The following SGK1 variants were observed in gnomAD, a reference collection of about 807,000 sequenced individuals.
SGK1 encodes the protein serum/glucocorticoid regulated kinase 1.
A neutral mutation model predicts 64.2 loss-of-function variants in SGK1; 26 were observed. The observed-to-expected ratio is 0.40, with a 90% confidence interval of 0.30 to 0.56. SGK1 has a LOEUF of 0.56. Among genes scored for constraint, SGK1 ranks in the 20% least tolerant of loss-of-function variants. The pLI, the probability that SGK1 is intolerant of heterozygous loss-of-function variation, is 0.38. For missense variants in SGK1, 519 were observed against 645.6 expected, an observed-to-expected ratio of 0.80 and a Z score of 2.12; for synonymous variants, 265 against 239.7, an observed-to-expected ratio of 1.11 and a Z score of -0.98.
chr6:134,245,238 G>A (rs1776509214), intron 2 of SGK1, among the ~76,000 whole-genome samples: 1 of 152,228 alleles, frequency 6.6e-6, no homozygotes, highest in South Asian at 2.1e-4. Flanking sequence ...GCCAAGCCCT[G>A]TGGTTTATTT....
At chr6:134,173,401 G>T in intron 6 of SGK1, 44 bp from the exon 7 acceptor site, 1 of 1,586,286 alleles carries the variant, frequency 6.3e-7, no homozygotes, top group Non-Finnish European at 8.6e-7. Flanking sequence ...TCCTCATCCA[G>T]GGAGAATACA....
chr6:134,273,631 A>G (rs1487248300), intron 1 of SGK1, among the ~76,000 whole-genome samples: 4 of 144,142 alleles, frequency 2.8e-5, no homozygotes, highest in Non-Finnish European at 4.5e-5. Context: ...AAGCTGAGTT[A>G]AAGGAAGCCA....
chr6:134,236,132 T>C (rs931304178), intron 2 of SGK1, among the ~76,000 whole-genome samples: 17 of 152,108 alleles, frequency 1.1e-4, no homozygotes, highest in Non-Finnish European at 1.5e-4. Context: ...ATTGTAGTAT[T>C]GGCAGGTTTG....
At chr6:134,223,091 G>A (rs1464691033) in intron 2 of SGK1, among the ~76,000 whole-genome samples, 2 of 152,154 alleles carry the variant, frequency 1.3e-5, no homozygotes, top group Non-Finnish European at 1.5e-5. Context: ...TATAAGAGCC[G>A]GGCGCAGTGG....
chr6:134,193,593 GTT>G, intron 3 of SGK1, among the ~76,000 whole-genome samples: 2 of 149,950 alleles, frequency 1.3e-5, no homozygotes, highest in Non-Finnish European at 3.0e-5. Context: ...TCTTTGTTCT[GTT>G]CTCTCTTTAT....
chr6:134,249,773 A>G (rs900604447), intron 2 of SGK1, among the ~76,000 whole-genome samples: 2 of 152,216 alleles, frequency 1.3e-5, no homozygotes, highest in African/African-American at 4.8e-5. Flanking sequence ...CCTGTTACAT[A>G]GGTGGTCACT....
chr6:134,204,157 C>G (rs1775729483), intron 3 of SGK1, among the ~76,000 whole-genome samples: 1 of 150,736 alleles, frequency 6.6e-6, no homozygotes, highest in Admixed American at 6.6e-5. Context: ...AACCAAAAGA[C>G]AATTCTACCA....
At chr6:134,286,508 GTCTCGCTGAGTGCAGTGGCGCGA>G in intron 1 of SGK1, among the ~76,000 whole-genome samples, 1 of 146,368 alleles carries the variant, frequency 6.8e-6, no homozygotes, top group Non-Finnish European at 1.5e-5. Flanking sequence ...TTGAGACGGA[GTCTCGCTGAGTGCAGTGGCGCGA>G]TCTCGGCTCA....
rs750204554 is a variant in SGK1, at chr6:134,170,293, G to A, written c.1556C>T (p.Ala519Val). 17 of 1,613,220 alleles carry A rather than the reference G, an allele frequency of 1.1e-5. No homozygotes were observed. The highest frequency in any genetic ancestry group is 2.2e-5 in the South Asian group (2 of 91,044). ...AAEAFLGFSY[A>V]PPTDSFL ...TCAGAGGAAAGAGTCCGTGGGAGGC[G>A]CATAGGAAAAGCCTAGGAAAGCCTC... Residue 519 changes from alanine to valine, a missense_variant, in exon 14 of 14, where the codon GCG becomes GTG. Around this residue, in one of 2 missense-constraint regions of SGK1, gnomAD observed 278 missense variants for 408.7 expected, o/e 0.68. Coordinates refer to ENST00000367858, the MANE Select transcript of SGK1 (RefSeq NM_001143676.3).
At chr6:134,194,896 T>C (rs1775574149) in intron 3 of SGK1, among the ~76,000 whole-genome samples, 1 of 152,218 alleles carries the variant, frequency 6.6e-6, no homozygotes, top group African/African-American at 2.4e-5. Flanking sequence ...AGCAAGCCAT[T>C]AAAGGCTGAA....
Position 134,171,675 on chromosome 6 carries a change from A to ACCAC in SGK1, c.1125_1128dup (p.Cys377ValfsTer9). 6.2e-7 allele frequency: 1 copy of ACCAC among 1,614,098 alleles called. No homozygotes were observed. Among genetic ancestry groups the ACCAC allele is most frequent in the Non-Finnish European group, 8.5e-7 (1 of 1,179,962 alleles). On this transcript the variant is annotated frameshift_variant, in exon 11 of 14. Transcript: ENST00000367858. LOFTEE classifies it high-confidence loss of function. ...ATCTCATACAAGACAGCTCCCAGGC[A>ACCAC]CCACCAGTCCACAGTCCTGTCATAA...
At position 134,306,146 on chromosome 6, in the gene SGK1, G is replaced by A. The variant is rs1777531505; in HGVS notation, c.69+11246C>T. Among the ~76,000 whole-genome samples, 6 of 152,258 alleles carry A rather than the reference G, an allele frequency of 3.9e-5. 1 individual carries two copies. The South Asian group carries it at 1.2e-3, about 32-fold the overall frequency. ...CATAAAAAATAGCACAAGGCCGGGC[G>A]CGGTGGCTCAAAGTGCCTGTAATCT... On this transcript the variant is annotated intron_variant, in intron 1 of 13. Transcript: ENST00000367858.
chr6:134,254,495 C>T (rs946193713), intron 2 of SGK1, among the ~76,000 whole-genome samples: 18 of 152,136 alleles, frequency 1.2e-4, no homozygotes, highest in African/African-American at 2.7e-4. Flanking sequence ...TCACTTTCTA[C>T]GAGTGAGGCT....
intron 3 of SGK1, among the ~76,000 whole-genome samples, chr6:134,178,269 T>A (rs184755627): frequency 1.9e-4 from 29 of 152,132 alleles, no homozygotes; most frequent in African/African-American, 6.8e-4. Context: ...TCGGCTAAAC[T>A]TATCATTTAA....
At chr6:134,213,766 CT>C (rs1775932263) in intron 2 of SGK1, among the ~76,000 whole-genome samples, 2 of 152,022 alleles carry the variant, frequency 1.3e-5, no homozygotes, top group African/African-American at 4.8e-5. Context: ...TTGGTTCTTT[CT>C]TTCTTTCCCT....
At chr6:134,228,515 A>T (rs1168855688) in intron 2 of SGK1, among the ~76,000 whole-genome samples, 3 of 152,198 alleles carry the variant, frequency 2.0e-5, no homozygotes, top group African/African-American at 7.2e-5. Context: ...TATAACTTAG[A>T]TATCCCCAGA....
intron 2 of SGK1, chr6:134,260,258 G>A (rs1309904875): frequency 6.6e-6 from 1 of 151,940 alleles, no homozygotes; most frequent in African/African-American, 2.4e-5. Context: ...GTTGAGGTGG[G>A]AGGATCACTT....
intron 3 of SGK1, among the ~76,000 whole-genome samples, chr6:134,203,105 G>C (rs140471756): frequency 6.6e-6 from 1 of 152,048 alleles, no homozygotes; most frequent in African/African-American, 2.4e-5. Context: ...TTAGCCAGGC[G>C]TGGTGGCACG....
chr6:134,175,791 T>C, intron 3 of SGK1: 2 of 1,323,456 alleles, frequency 1.5e-6, no homozygotes, highest in Non-Finnish European at 1.9e-6. Context: ...CAAATGGCCC[T>C]TGTGCACGGT....
Sources: gnomAD v4.1 joint callset for allele counts (sites outside exome capture counted in the v4.1 genomes callset) on GRCh38, gnomAD v4.1.1 for gene constraint, gnomAD v4.1.1 regional missense constraint, MANE v1.5 for transcripts, NCBI Gene and HGNC (gene_info 2026-07-23, HGNC 2026-07-21) for gene names.